Variants in ZFTRAF1 observed in about 807,000 individuals in gnomAD.
ZFTRAF1 encodes zinc finger TRAF-type-containing protein 1.
chr8:144,453,080 G>A, the ZFTRAF1 span: 12 of 736,930 alleles, frequency 1.6e-5, no homozygotes, highest in East Asian at 5.4e-5. Context: ...CCACAGGGCC[G>A]TCACTGGGCT....
the ZFTRAF1 span, among the ~76,000 whole-genome samples, chr8:144,458,437 A>G: frequency 6.6e-6 from 1 of 152,326 alleles, no homozygotes; most frequent in African/African-American, 2.4e-5. Context: ...TCCTCACCTC[A>G]AAGAACGAGT....
chr8:144,453,401 C>T, the ZFTRAF1 span: 1 of 1,551,232 alleles, frequency 6.4e-7, no homozygotes, highest in Non-Finnish European at 8.7e-7. Flanking sequence ...CCTCCTTCAG[C>T]CGGGCATCTG....
At chr8:144,460,820 G>A in the ZFTRAF1 span, among the ~76,000 whole-genome samples, 4 of 152,188 alleles carry the variant, frequency 2.6e-5, no homozygotes, top group Non-Finnish European at 5.9e-5. Flanking sequence ...GGAGGCGGAG[G>A]TTGCAGTGAG....
the ZFTRAF1 span, chr8:144,454,577 A>C: frequency 1.3e-5 from 2 of 152,434 alleles, no homozygotes; most frequent in Admixed American, 6.5e-5. Flanking sequence ...CAGCCATGCA[A>C]ACCTCCAGAA....
the ZFTRAF1 span, among the ~76,000 whole-genome samples, chr8:144,462,047 G>C: frequency 1.6e-4 from 25 of 152,186 alleles, no homozygotes; most frequent in Non-Finnish European, 2.1e-4. Flanking sequence ...CCGTGGATCA[G>C]AAAACAGAAA....
the ZFTRAF1 span, among the ~76,000 whole-genome samples, chr8:144,461,470 C>T: frequency 4.6e-5 from 7 of 152,142 alleles, no homozygotes; most frequent in African/African-American, 1.7e-4. Flanking sequence ...CCTAACAGCC[C>T]TAGGCTGCTT....
chr8:144,458,766 T>TG, the ZFTRAF1 span, among the ~76,000 whole-genome samples: 1 of 151,950 alleles, frequency 6.6e-6, no homozygotes, highest in African/African-American at 2.4e-5. Flanking sequence ...AGTCTCAAAG[T>TG]GGGGGCGCTG....
chr8:144,459,414 G>A, the ZFTRAF1 span, among the ~76,000 whole-genome samples: 1 of 152,278 alleles, frequency 6.6e-6, no homozygotes, highest in Admixed American at 6.5e-5. Flanking sequence ...TAAAAGCTGA[G>A]TCTTGCTGTA....
chr8:144,452,201 C>T, the ZFTRAF1 span: 20 of 845,326 alleles, frequency 2.4e-5, no homozygotes, highest in East Asian at 2.9e-4. Flanking sequence ...CCTGTCTTCT[C>T]GACCGAGGTG....
chr8:144,462,169 TCCCGGCCGCCGGGCCCCGCAGG>T, the ZFTRAF1 span: 3 of 370,370 alleles, frequency 8.1e-6, no homozygotes, highest in Admixed American at 4.8e-5. Context: ...CAGAGAGGGT[TCCCGGCCGCCGGGCCCCGCAGG>T]CCTGGCCTCC....
the ZFTRAF1 span, chr8:144,450,587 G>A: frequency 1.3e-5 from 9 of 718,200 alleles, no homozygotes; most frequent in Non-Finnish European, 1.8e-5. Flanking sequence ...CAGCGGTGCC[G>A]TGACCTTGCT....
the ZFTRAF1 span, among the ~76,000 whole-genome samples, chr8:144,458,126 G>C: frequency 8.1e-3 from 1,233 of 152,362 alleles, 16 homozygotes; most frequent in African/African-American, 0.028. Flanking sequence ...GTCTGAGAGG[G>C]ACTGGCACGT....
the ZFTRAF1 span, chr8:144,453,275 G>A: frequency 1.9e-6 from 3 of 1,551,030 alleles, no homozygotes; most frequent in Non-Finnish European, 2.6e-6. Context: ...GGGGAAACTG[G>A]CGCAGGCAGA....
the ZFTRAF1 span, among the ~76,000 whole-genome samples, chr8:144,459,946 G>A: frequency 2.0e-4 from 31 of 152,228 alleles, no homozygotes; most frequent in Non-Finnish European, 3.5e-4. Flanking sequence ...AGTAGAATAT[G>A]GTAGACTGAA....
the ZFTRAF1 span, among the ~76,000 whole-genome samples, chr8:144,458,729 G>A: frequency 1.3e-5 from 2 of 152,226 alleles, no homozygotes; most frequent in African/African-American, 2.4e-5. Context: ...GGGGCAGGAG[G>A]GGATCCTTGT....
the ZFTRAF1 span, chr8:144,450,101 C>T: frequency 3.8e-5 from 17 of 451,966 alleles, no homozygotes; most frequent in Admixed American, 1.4e-4. Flanking sequence ...TTGCTGCCAC[C>T]GTCTCTGAGC....
chr8:144,453,463 G>T, the ZFTRAF1 span: 1 of 1,545,916 alleles, frequency 6.5e-7, no homozygotes, highest in Non-Finnish European at 8.7e-7. Context: ...TTAGTACACT[G>T]CGAAGAAGGA....
the ZFTRAF1 span, chr8:144,452,246 G>A: frequency 8.2e-7 from 1 of 1,216,856 alleles, no homozygotes; most frequent in African/African-American, 1.5e-5. Flanking sequence ...CCAGAGCCCG[G>A]CTGTCCGGCG....
chr8:144,461,300 T>C, the ZFTRAF1 span, among the ~76,000 whole-genome samples: 1 of 152,176 alleles, frequency 6.6e-6, no homozygotes. Context: ...TAAAGAAAGC[T>C]GACAGAGAAC....
Sources: allele counts gnomAD v4.1 joint callset (sites outside exome capture counted in the v4.1 genomes callset), GRCh38; gene constraint gnomAD v4.1.1; transcripts MANE v1.5; gene names NCBI Gene and HGNC (gene_info 2026-07-23, HGNC 2026-07-21).